The following ASTN2 variants were observed in gnomAD, a reference collection of about 807,000 sequenced individuals.
ASTN2 encodes the protein astrotactin-2.
Under a neutral mutation model 139.8 loss-of-function variants are expected in ASTN2, and 54 were observed. That is an observed-to-expected ratio of 0.39 (90% CI 0.31 to 0.48). The LOEUF (loss-of-function observed/expected upper bound fraction) is 0.48, where lower values mean the gene tolerates loss of function less well. ASTN2 is among the 20% of genes least tolerant of loss of function. The pLI is 0.95. For missense variants in ASTN2, 1,565 were observed against 1,725.1 expected, an observed-to-expected ratio of 0.91 and a Z score of 1.64; for synonymous variants, 756 against 719.5, an observed-to-expected ratio of 1.05 and a Z score of -0.81.
chr9:116,534,047 T>C (rs1191338525), intron 19 of ASTN2, among the ~76,000 whole-genome samples: 1 of 152,194 alleles, frequency 6.6e-6, no homozygotes, highest in African/African-American at 2.4e-5. Context: ...GAGCCTGTTA[T>C]TGGTCTATTC....
intron 3 of ASTN2, among the ~76,000 whole-genome samples, chr9:117,187,908 T>C (rs1194852971): frequency 6.6e-6 from 1 of 152,204 alleles, no homozygotes; most frequent in African/African-American, 2.4e-5. Flanking sequence ...TAATTGTTTG[T>C]TCCTCCCACG....
intron 1 of ASTN2, among the ~76,000 whole-genome samples, chr9:117,369,932 C>T (rs568223318): frequency 6.6e-5 from 10 of 152,114 alleles, no homozygotes; most frequent in Admixed American, 5.2e-4. Context: ...TTCCACAGGC[C>T]CAGGTTGCCT....
At chr9:117,291,662 C>G in intron 1 of ASTN2, 149 bp from the exon 2 acceptor site, 3 of 633,976 alleles carry the variant, frequency 4.7e-6, no homozygotes. Flanking sequence ...AGATAGGGAT[C>G]ATCACTTTCA....
chr9:116,443,658 G>C (rs979716836), intron 20 of ASTN2, among the ~76,000 whole-genome samples: 1 of 152,110 alleles, frequency 6.6e-6, no homozygotes, highest in South Asian at 2.1e-4. Context: ...AGTCTAAGAA[G>C]GGAGCAGAAA....
intron 7 of ASTN2, 88 bp downstream of exon 7, chr9:117,008,004 C>A: frequency 7.2e-7 from 1 of 1,385,920 alleles, no homozygotes; most frequent in South Asian, 1.8e-5. Flanking sequence ...GGCTCAGAAT[C>A]CATGGTTCTT....
At chr9:117,225,022 C>A (rs1180951567) in intron 2 of ASTN2, among the ~76,000 whole-genome samples, 2 of 152,126 alleles carry the variant, frequency 1.3e-5, no homozygotes, top group Non-Finnish European at 2.9e-5. Flanking sequence ...ACTGAGTAGC[C>A]CTCATTATGT....
At chr9:117,104,081 A>G (rs750090272) in intron 4 of ASTN2, among the ~76,000 whole-genome samples, 2 of 152,196 alleles carry the variant, frequency 1.3e-5, no homozygotes, top group Non-Finnish European at 2.9e-5. Flanking sequence ...GCTAAGTGGA[A>G]GGATATGGAT....
chr9:117,312,503 G>A (rs1828005799), intron 1 of ASTN2, among the ~76,000 whole-genome samples: 1 of 152,144 alleles, frequency 6.6e-6, no homozygotes, highest in Admixed American at 6.5e-5. Flanking sequence ...TTTAGTAAGT[G>A]ATATTAGTTT....
chr9:116,781,969 C>T (rs904021360), intron 13 of ASTN2, among the ~76,000 whole-genome samples: 26 of 152,286 alleles, frequency 1.7e-4, no homozygotes, highest in African/African-American at 5.8e-4. Context: ...TAGTTAGTGG[C>T]AGCATCAGCA....
chr9:117,380,428 A>G (rs1270365547), intron 1 of ASTN2, among the ~76,000 whole-genome samples: 1 of 151,964 alleles, frequency 6.6e-6, no homozygotes, highest in East Asian at 1.9e-4. Flanking sequence ...GACATGGTGA[A>G]ACCCTGTCTC....
At chr9:116,578,842 A>G (rs1853836442) in intron 19 of ASTN2, 1 of 152,204 alleles carries the variant, frequency 6.6e-6, no homozygotes, top group Non-Finnish European at 1.5e-5. Context: ...TGTCCACAGA[A>G]TTACAGAAGG....
chr9:116,444,153 C>A (rs1404681973), intron 20 of ASTN2, among the ~76,000 whole-genome samples: 3 of 152,142 alleles, frequency 2.0e-5, no homozygotes, highest in African/African-American at 7.2e-5. Context: ...TTGCCCAGAA[C>A]CACATAGTAA....
chr9:116,791,111 T>C (rs749819619), intron 13 of ASTN2, among the ~76,000 whole-genome samples: 2 of 152,108 alleles, frequency 1.3e-5, no homozygotes, highest in Non-Finnish European at 2.9e-5. Flanking sequence ...TGCCTAGGCC[T>C]CCCAAAGTGC....
intron 1 of ASTN2, among the ~76,000 whole-genome samples, chr9:117,407,721 G>C (rs1163988010): frequency 1.2e-4 from 19 of 152,214 alleles, no homozygotes. Context: ...TGAAAGGAGA[G>C]AACAAGTGCT....
chr9:117,147,759 A>G (rs1395930804), intron 3 of ASTN2, among the ~76,000 whole-genome samples: 2 of 152,168 alleles, frequency 1.3e-5, no homozygotes, highest in African/African-American at 4.8e-5. Flanking sequence ...GAAATGTTAC[A>G]TGGTTTTTCC....
chr9:117,400,473 G>C (rs1256881050), intron 1 of ASTN2, among the ~76,000 whole-genome samples: 1 of 152,198 alleles, frequency 6.6e-6, no homozygotes, highest in Non-Finnish European at 1.5e-5. Flanking sequence ...AAAAGAGAGA[G>C]AGAAAAGAGG....
intron 13 of ASTN2, among the ~76,000 whole-genome samples, chr9:116,791,024 A>AAAGG (rs1830536323): frequency 7.7e-6 from 1 of 129,516 alleles, no homozygotes; most frequent in African/African-American, 2.9e-5. Flanking sequence ...AGAAAGAAAG[A>AAAGG]AAGAAAGAAA....
intron 3 of ASTN2, among the ~76,000 whole-genome samples, chr9:117,151,925 T>A (rs1830334362): frequency 6.6e-6 from 1 of 152,178 alleles, no homozygotes; most frequent in Admixed American, 6.5e-5. Context: ...TTCTGACATC[T>A]GTTACTGTTA....
intron 3 of ASTN2, among the ~76,000 whole-genome samples, chr9:117,150,147 C>A (rs187417645): frequency 6.2e-4 from 94 of 152,274 alleles, no homozygotes; most frequent in Non-Finnish European, 1.2e-3. Flanking sequence ...AAACACAATA[C>A]CTTCCAGGTT....
Sources: allele counts gnomAD v4.1 joint callset (sites outside exome capture counted in the v4.1 genomes callset), GRCh38; gene constraint gnomAD v4.1.1; transcripts MANE v1.5; gene names NCBI Gene and HGNC (gene_info 2026-07-23, HGNC 2026-07-21).